RDX: variants seen among roughly 807,000 people sequenced by gnomAD.
RDX encodes radixin.
A neutral mutation model predicts 83.7 loss-of-function variants in RDX; 32 were observed. The ratio of observed to expected loss-of-function variants is 0.38; its 90% CI spans 0.29 to 0.51. The LOEUF (loss-of-function observed/expected upper bound fraction) is 0.51, where lower values mean the gene tolerates loss of function less well. Among genes scored for constraint, RDX ranks in the 20% least tolerant of loss-of-function variants. RDX has a pLI of 0.87. For missense variants in RDX, 600 were observed against 689.9 expected, an observed-to-expected ratio of 0.87 and a Z score of 1.46; for synonymous variants, 229 against 222.7, an observed-to-expected ratio of 1.03 and a Z score of -0.25.
At chr11:110,240,884 A>G (rs1004042169) in intron 10 of RDX, among the ~76,000 whole-genome samples, 12 of 150,234 alleles carry the variant, frequency 8.0e-5, no homozygotes, top group East Asian at 2.0e-4. Flanking sequence ...GCAAAACTGC[A>G]TATCTACTAA....
At chr11:110,252,528 T>C (rs1337064388) in intron 9 of RDX, among the ~76,000 whole-genome samples, 1 of 152,198 alleles carries the variant, frequency 6.6e-6, no homozygotes, top group African/African-American at 2.4e-5. Flanking sequence ...TATCTCATGC[T>C]AGAAAACCTT....
At chr11:110,205,507 A>G (rs1239990316) in intron 14 of RDX, among the ~76,000 whole-genome samples, 4 of 151,706 alleles carry the variant, frequency 2.6e-5, no homozygotes, top group Admixed American at 6.6e-5. Context: ...TCTCTCTAAA[A>G]CATTTAAATG....
chr11:110,270,436 T>C (rs1591172477), intron 3 of RDX, among the ~76,000 whole-genome samples: 1 of 152,188 alleles, frequency 6.6e-6, no homozygotes, highest in African/African-American at 2.4e-5. Flanking sequence ...CACTGTTGCA[T>C]AAGTGGCCCG....
intron 15 of RDX, among the ~76,000 whole-genome samples, chr11:110,197,108 C>A (rs1013501587): frequency 1.3e-5 from 2 of 152,168 alleles, no homozygotes; most frequent in African/African-American, 2.4e-5. Flanking sequence ...CCATGTTGCC[C>A]AGGCTGGTCT....
chr11:110,198,466 C>A (rs1863279308), intron 15 of RDX, among the ~76,000 whole-genome samples: 1 of 152,166 alleles, frequency 6.6e-6, no homozygotes, highest in African/African-American at 2.4e-5. Context: ...CGGCGTGTGG[C>A]CTGTTAGGAA....
intron 1 of RDX, among the ~76,000 whole-genome samples, chr11:110,295,727 G>T (rs999132305): frequency 6.6e-6 from 1 of 151,974 alleles, no homozygotes; most frequent in Admixed American, 6.5e-5. Flanking sequence ...GGAAAAGAGG[G>T]ATATCATGTA....
At chr11:110,277,970 TA>T (rs1273659320) in intron 2 of RDX, among the ~76,000 whole-genome samples, 1 of 152,214 alleles carries the variant, frequency 6.6e-6, no homozygotes, top group Non-Finnish European at 1.5e-5. Context: ...TTTATGTTTG[TA>T]AATTGTGAGA....
intron 12 of RDX, among the ~76,000 whole-genome samples, chr11:110,234,488 T>A (rs912130714): frequency 6.6e-6 from 1 of 152,220 alleles, no homozygotes; most frequent in Non-Finnish European, 1.5e-5. Context: ...TAAGATTTCA[T>A]GTTGAATATA....
chr11:110,265,557 C>T (rs1860002828), intron 3 of RDX, among the ~76,000 whole-genome samples: 1 of 151,618 alleles, frequency 6.6e-6, no homozygotes, highest in Non-Finnish European at 1.5e-5. Flanking sequence ...CTATTTACCC[C>T]CACAAGTACC....
At chr11:110,203,774 T>C (rs1863500925) in intron 14 of RDX, among the ~76,000 whole-genome samples, 1 of 152,030 alleles carries the variant, frequency 6.6e-6, no homozygotes, top group Non-Finnish European at 1.5e-5. Flanking sequence ...CTCAATATAC[T>C]CAGAAATTGC....
rs539282888 is a variant in RDX, at chr11:110,229,971, T to A, written c.*1898A>T. ...CTGCAAGTAGGAATATTCTCTTCCA[T>A]AGGATTCTGAAGCATGTGCACAACC... On this transcript the variant is annotated 3_prime_UTR_variant, in exon 14 of 14. Transcript: ENST00000645495. 6.6e-6 allele frequency: 1 copy of A among 152,572 alleles called. No homozygotes were observed. The highest frequency in any genetic ancestry group is 6.6e-5 in the Admixed American group (1 of 15,266). The allele number at this position is 152,572 out of a possible 1,614,324, so 9.5% of individuals were successfully genotyped here. A position where few individuals can be genotyped will look rare whatever the true frequency, so the allele number is the denominator to read the frequency against.
intron 14 of RDX, among the ~76,000 whole-genome samples, chr11:110,217,015 G>T (rs529270359): frequency 6.6e-6 from 1 of 152,302 alleles, no homozygotes; most frequent in African/African-American, 2.4e-5. Flanking sequence ...GACAGAGCAG[G>T]AGACTCCTGA....
intron 10 of RDX, 92 bp from the exon 11 acceptor site, chr11:110,237,744 G>C (rs1565308053): frequency 1.4e-6 from 2 of 1,388,132 alleles, no homozygotes; most frequent in Non-Finnish European, 2.0e-6. Flanking sequence ...AATCAAATCT[G>C]TTCAATTTCT....
chr11:110,255,949 A>G (rs1370042221), intron 7 of RDX, among the ~76,000 whole-genome samples: 2 of 152,152 alleles, frequency 1.3e-5, no homozygotes. Flanking sequence ...AATTTTAAAC[A>G]CTCACATACA....
intron 15 of RDX, among the ~76,000 whole-genome samples, chr11:110,190,980 A>AGATG: frequency 6.6e-6 from 1 of 152,370 alleles, no homozygotes; most frequent in Admixed American, 6.5e-5. Flanking sequence ...GCTCTAGACC[A>AGATG]GATGGATTCA....
chr11:110,188,296 A>AAAT (rs34384486), intron 15 of RDX, among the ~76,000 whole-genome samples: 38,638 of 142,044 alleles, frequency 0.27, 5,372 homozygotes, highest in South Asian at 0.39. Context: ...CTCTGTCTCA[A>AAAT]AATAATAATA....
At chr11:110,268,486 T>C (rs537121050) in intron 3 of RDX, among the ~76,000 whole-genome samples, 11 of 152,228 alleles carry the variant, frequency 7.2e-5, no homozygotes, top group East Asian at 1.9e-4. Flanking sequence ...AGCAGTGCCA[T>C]AGAAAACATT....
At chr11:110,189,242 G>GAAAAAAAAAAAAAAAAA (rs1565282257) in intron 15 of RDX, among the ~76,000 whole-genome samples, 2 of 38,000 alleles carry the variant, frequency 5.3e-5, no homozygotes, top group African/African-American at 1.2e-4. Context: ...TGAACAACAG[G>GAAAAAAAAAAAAAAAAA]TAAAAAAAAA....
At chr11:110,275,957 G>T (rs1017181775) in intron 2 of RDX, among the ~76,000 whole-genome samples, 2 of 151,302 alleles carry the variant, frequency 1.3e-5, no homozygotes, top group Non-Finnish European at 2.9e-5. Context: ...ACTATTTTTT[G>T]TATTTTTAGT....
Sources: gnomAD v4.1 joint callset for allele counts (sites outside exome capture counted in the v4.1 genomes callset) on GRCh38, gnomAD v4.1.1 for gene constraint, MANE v1.5 for transcripts, NCBI Gene and HGNC (gene_info 2026-07-23, HGNC 2026-07-21) for gene names.